CD36: variants seen among roughly 807,000 people sequenced by gnomAD.
CD36 encodes platelet glycoprotein 4.
A neutral mutation model predicts 55.2 loss-of-function variants in CD36; 119 were observed. The observed-to-expected ratio is 2.15, with a 90% confidence interval of 1.86 to 2.51. CD36 has a LOEUF of 2.51. Ranked by LOEUF, CD36 falls within the 30% of genes most tolerant of loss-of-function variation. The pLI is 0.00. For synonymous variants in CD36, 186 were observed against 193.6 expected, an observed-to-expected ratio of 0.96 and a Z score of 0.33; for missense variants, 819 against 555.5, an observed-to-expected ratio of 1.47 and a Z score of -4.77.
Position 80,671,113 on chromosome 7 carries a change from T to C in CD36, c.955T>C (p.Ser319Pro), listed in dbSNP as rs760326151. ...NYCFCTEKII[S>P]KNCTSYGVLD... ...TTGTTTCTGCACAGAAAAAATTATCTCAAAAAATTGTACATCATATGGTGT... is the reference window on the plus strand; with the variant it reads ...TTGTTTCTGCACAGAAAAAATTATCCCAAAAAATTGTACATCATATGGTGT... Residue 319 changes from serine (S) to proline (P), a missense_variant, in exon 10 of 15, where the codon TCA becomes CCA. Physicochemically the swap from Ser to Pro is moderately conservative, Grantham distance 74. Coordinates refer to ENST00000447544, the MANE Select transcript of CD36 (RefSeq NM_001001548.3). 4 of 1,613,418 alleles carry C rather than the reference T, an allele frequency of 2.5e-6. No individual in the cohort carries two copies. The highest frequency in any genetic ancestry group is 3.4e-6 in the Non-Finnish European group (4 of 1,179,644).
upstream of CD36, among the ~76,000 whole-genome samples, chr7:80,635,779 T>A (rs1467146561): frequency 1.3e-5 from 2 of 152,180 alleles, no homozygotes; most frequent in African/African-American, 4.8e-5. Context: ...GCAGATGTTC[T>A]TAATCTGAAT....
rs760817974 is a variant in CD36, at chr7:80,673,373, GAGGAACT to G, written c.1220_1226del (p.Arg407IlefsTer26). On this transcript the variant is annotated frameshift_variant, in exon 13 of 15. Transcript: ENST00000447544. LOFTEE classifies it high-confidence loss of function. ...ATTACAGAGTATTAAAGAATCTGAA[GAGGAACT>G]ATATTGTGCCTATTCTTTGGCTTAA... is the stretch of plus-strand genomic sequence containing the variant. The G allele has an allele frequency of 2.6e-6, 4 of 1,548,588 alleles. No individual in the cohort carries two copies. The East Asian group carries it at 9.0e-5, about 35-fold the overall frequency.
At chr7:80,673,940 TACTAACGTACCCAAA>T in intron 13 of CD36, 28 bp from the exon 14 acceptor site, 1 of 1,506,120 alleles carries the variant, frequency 6.6e-7, no homozygotes. Flanking sequence ...TATTTTGTTT[TACTAACGTACCCAAA>T]TAATGTTGAT....
At position 80,632,404 on chromosome 7, in the gene CD36, A is replaced by G. The variant is rs187148679; in HGVS notation, c.-183-13684A>G. The stretch of plus-strand genomic sequence containing the variant: ...ATCAGGCATGCTTCTGTGTTCCTGG[A>G]AAACGTTTGTGTGTGTATACACATG... On this transcript the variant is annotated intron_variant, in intron 1 of 13. Transcript: ENST00000309881. 5.3e-3 allele frequency among the ~76,000 whole-genome samples: 809 copies of G among 152,154 alleles called. 3 individuals are homozygous for G. The highest frequency in any genetic ancestry group is 8.3e-3 in the Non-Finnish European group (561 of 67,942).
rs1797479433 is a variant in CD36, at chr7:80,669,875, A to G, written c.749-78A>G. On this transcript the variant is annotated intron_variant, in intron 8 of 14. Transcript: ENST00000447544. ...AGTTTGCATTACATTTCTATGGACTACACTGGAGGAGAGATTTCTAGGTTT... is the reference window on the plus strand; with the variant it reads ...AGTTTGCATTACATTTCTATGGACTGCACTGGAGGAGAGATTTCTAGGTTT... 4.3e-6 allele frequency: 4 copies of G among 933,180 alleles called. No homozygotes were observed. In the East Asian group the frequency reaches 7.2e-5, roughly 17 times the overall value. 57.8% of individuals were successfully genotyped at this position (933,180 alleles called of 1,614,324 possible). A position where few individuals can be genotyped will look rare whatever the true frequency, so the allele number is the denominator to read the frequency against.
intron 13 of CD36, chr7:80,673,766 G>C: frequency 1.7e-6 from 1 of 590,782 alleles, no homozygotes; most frequent in Non-Finnish European, 3.0e-6. Flanking sequence ...TGATAGTTCT[G>C]AAGAGCAAAT....
At chr7:80,636,293 C>G (rs1196735047), upstream of CD36, among the ~76,000 whole-genome samples, 1 of 151,978 alleles carries the variant, frequency 6.6e-6, no homozygotes, top group African/African-American at 2.4e-5. Flanking sequence ...TATTATTACT[C>G]TTTTATTTAG....
chr7:80,608,980 G>T (rs952708041), intron 1 of CD36, among the ~76,000 whole-genome samples: 1 of 142,756 alleles, frequency 7.0e-6, no homozygotes, highest in Non-Finnish European at 1.5e-5. Context: ...ATTTTGATAG[G>T]CGTCCTCTGG....
intron 1 of CD36, among the ~76,000 whole-genome samples, chr7:80,617,389 A>T (rs920425766): frequency 4.6e-5 from 7 of 152,066 alleles, no homozygotes; most frequent in Non-Finnish European, 1.0e-4. Context: ...AGTTAAAAAA[A>T]AAATAAAATA....
rs148726822 is a variant in CD36 at position 80,622,467 on chromosome 7, G to A, written c.-184+20088G>A. 1.1e-4 allele frequency among the ~76,000 whole-genome samples: 17 copies of A among 152,316 alleles called. No homozygotes were observed. In the East Asian group the frequency reaches 1.9e-3, roughly 17 times the overall value. ...CAATACTGTCTCAAACATTACAGCA[G>A]AACTTGGAGAAAGGTGTTAAAAAGA... On this transcript the variant is annotated intron_variant, in intron 1 of 13. Coordinates refer to the CD36 transcript ENST00000309881.
At chr7:80,667,747 G>GT (rs1165767460) in intron 8 of CD36, among the ~76,000 whole-genome samples, 11,279 of 82,516 alleles carry the variant, frequency 0.14, 909 homozygotes, top group South Asian at 0.19. Flanking sequence ...GTTTTCTTTT[G>GT]TTTTTTTTTT....
intron 7 of CD36, 115 bp from the exon 8 acceptor site, chr7:80,666,328 T>C: frequency 1.3e-6 from 1 of 740,808 alleles, no homozygotes; most frequent in South Asian, 1.5e-5. Flanking sequence ...ACTTAGTACT[T>C]GTCACATTTA....
chr7:80,670,958 C>CT lies in CD36; in HGVS notation c.819-13dup, dbSNP rs777849058. The CT allele has an allele frequency of 8.2e-6, 13 of 1,589,200 alleles. No homozygotes were observed. The South Asian group carries it at 1.2e-4, about 15-fold the overall frequency. ...AAGTTCAGGTTCCTGGAATGCAGCT[C>CT]TTTTTTCTCTGTATTTAGGTCAATC... On this transcript the variant is annotated intron_variant, in intron 9 of 14. Coordinates refer to ENST00000447544, the MANE Select transcript of CD36 (RefSeq NM_001001548.3).
chr7:80,671,506 C>A (rs1010842857), intron 10 of CD36, among the ~76,000 whole-genome samples: 1 of 151,960 alleles, frequency 6.6e-6, no homozygotes, highest in Non-Finnish European at 1.5e-5. Flanking sequence ...AAAATAATTC[C>A]GAGAACACAT....
intron 1 of CD36, among the ~76,000 whole-genome samples, chr7:80,645,567 G>A (rs1002820164): frequency 1.3e-5 from 2 of 151,960 alleles, no homozygotes; most frequent in Admixed American, 6.6e-5. Context: ...AGGAGGCAGA[G>A]GTTGCAGTGA....
intron 3 of CD36, among the ~76,000 whole-genome samples, chr7:80,649,201 C>T (rs139459742): frequency 9.9e-5 from 15 of 152,086 alleles, no homozygotes; most frequent in East Asian, 9.7e-4. Flanking sequence ...ATCTTACAGG[C>T]GCAAGTCCTT....
At chr7:80,617,727 CAAA>C (rs5885184) in intron 1 of CD36, among the ~76,000 whole-genome samples, 33 of 122,722 alleles carry the variant, frequency 2.7e-4, no homozygotes, top group Admixed American at 4.9e-4. Context: ...ACTGTGTCTC[CAAA>C]AAAAAAAAAA....
chr7:80,627,328 A>G (rs1040503254), intron 1 of CD36, among the ~76,000 whole-genome samples: 1 of 152,090 alleles, frequency 6.6e-6, no homozygotes, highest in African/African-American at 2.4e-5. Context: ...TCACAGACGG[A>G]AACAAGTACA....
intron 1 of CD36, among the ~76,000 whole-genome samples, chr7:80,612,798 A>G (rs755952295): frequency 9.2e-5 from 14 of 152,154 alleles, no homozygotes; most frequent in Admixed American, 8.5e-4. Flanking sequence ...AATGGGCTCA[A>G]TCTAGCTATT....
Sources: gnomAD v4.1 joint callset for allele counts (sites outside exome capture counted in the v4.1 genomes callset) on GRCh38, gnomAD v4.1.1 for gene constraint, MANE v1.5 for transcripts, NCBI Gene and HGNC (gene_info 2026-07-23, HGNC 2026-07-21) for gene names.